ZC2HC1B: variants seen among roughly 807,000 people sequenced by gnomAD.
ZC2HC1B encodes zinc finger C2HC-type containing 1B.
A neutral mutation model predicts 31.0 loss-of-function variants in ZC2HC1B; 36 were observed. That is an observed-to-expected ratio of 1.16 (90% CI 0.89 to 1.54). ZC2HC1B has a LOEUF of 1.54. Among genes scored for constraint, ZC2HC1B ranks in the 40% most tolerant of loss-of-function variants. The pLI is 0.00. For synonymous variants in ZC2HC1B, 73 were observed against 88.0 expected, an observed-to-expected ratio of 0.83 and a Z score of 0.95; for missense variants, 260 against 268.6, an observed-to-expected ratio of 0.97 and a Z score of 0.22.
At chr6:143,904,702 C>T (rs1777774499) in intron 6 of ZC2HC1B, among the ~76,000 whole-genome samples, 3 of 152,102 alleles carry the variant, frequency 2.0e-5, no homozygotes. Flanking sequence ...GAGAGGTTTA[C>T]TCCTATGTTT....
At chr6:143,901,282 CAG>C (rs1294139838) in intron 5 of ZC2HC1B, among the ~76,000 whole-genome samples, 2 of 67,582 alleles carry the variant, frequency 3.0e-5, no homozygotes, top group African/African-American at 1.4e-4. Context: ...TTTTTTGAGA[CAG>C]AGTCTCACTC....
rs1487883696 is a variant in ZC2HC1B at position 143,868,041 on chromosome 6, AG to A, written c.28+3475del. On this transcript the variant is annotated intron_variant, in intron 1 of 7. Transcript: ENST00000237275. This position sits in a 1 kb window ranked among gnomAD's most constrained non-coding sequence, Gnocchi z 4.2. ...GACTGAATATAGAATTCTTGGTTGT[AG>A]ATTATTTTACCTCAGAAGTTTAAAG... Among the ~76,000 whole-genome samples the A allele has an allele frequency of 3.3e-5, 5 of 152,176 alleles. No homozygotes were observed. The highest frequency in any genetic ancestry group is 5.9e-5 in the Non-Finnish European group (4 of 68,030).
Position 143,917,390 on chromosome 6 carries a change from A to G in ZC2HC1B, c.598+14238A>G, listed in dbSNP as rs904581184. On this transcript the variant is annotated intron_variant, in intron 6 of 7. Transcript: ENST00000237275. The surrounding 1 kb of genome is among the most constrained non-coding windows in gnomAD (Gnocchi z 4.1). ...GTTTTTAGTTGATTTTTGAAGCAAAACATTTATATTCCTTCCTCATTTCCT... is the reference window on the plus strand; with the variant it reads ...GTTTTTAGTTGATTTTTGAAGCAAAGCATTTATATTCCTTCCTCATTTCCT... 1.8e-4 allele frequency among the ~76,000 whole-genome samples: 28 copies of G among 152,212 alleles called. No homozygotes were observed. The highest frequency in any genetic ancestry group is 3.3e-4 in the Admixed American group (5 of 15,282).
At chr6:143,900,045 T>C (rs1448832637) in intron 5 of ZC2HC1B, among the ~76,000 whole-genome samples, 2 of 152,188 alleles carry the variant, frequency 1.3e-5, no homozygotes, top group Non-Finnish European at 2.9e-5. Context: ...AACATCCAGC[T>C]TGTGGCCTGA....
chr6:143,900,514 T>C (rs1777724858), intron 5 of ZC2HC1B, among the ~76,000 whole-genome samples: 1 of 151,412 alleles, frequency 6.6e-6, no homozygotes, highest in Non-Finnish European at 1.5e-5. Flanking sequence ...AAAAGAGGAA[T>C]TGATTGAATA....
intron 1 of ZC2HC1B, among the ~76,000 whole-genome samples, chr6:143,875,863 C>T (rs1261124150): frequency 6.6e-6 from 1 of 150,574 alleles, no homozygotes; most frequent in East Asian, 1.9e-4. Flanking sequence ...AGGCTGACAG[C>T]AGCACGGGTC....
At chr6:143,925,191 T>C (rs1778020639) in intron 6 of ZC2HC1B, among the ~76,000 whole-genome samples, 1 of 130,810 alleles carries the variant, frequency 7.6e-6, no homozygotes, top group Admixed American at 7.9e-5. Context: ...TTTTTTTTTT[T>C]TTGAGACAGA....
rs549139573 is a variant in ZC2HC1B at position 143,913,018 on chromosome 6, C to T, written c.598+9866C>T. Among the ~76,000 whole-genome samples the T allele has an allele frequency of 1.3e-5, 2 of 152,278 alleles. No homozygotes were observed. Among genetic ancestry groups the T allele is most frequent in the East Asian group, 3.9e-4 (2 of 5,182 alleles). On this transcript the variant is annotated intron_variant, in intron 6 of 7. Coordinates refer to ENST00000237275, the MANE Select transcript of ZC2HC1B (RefSeq NM_001013623.3). The surrounding 1 kb of genome is among the most constrained non-coding windows in gnomAD (Gnocchi z 5.7). Reference sequence around the variant, plus strand: ...TGCTTAAAGAAGCAGTCTGGCCATACCTCAACAAAACAGCTGTGCTGTGGT... The same window carrying T: ...TGCTTAAAGAAGCAGTCTGGCCATATCTCAACAAAACAGCTGTGCTGTGGT...
At chr6:143,878,472 T>TGTCTCAAA (rs1213873009) in intron 1 of ZC2HC1B, among the ~76,000 whole-genome samples, 4 of 150,432 alleles carry the variant, frequency 2.7e-5, no homozygotes, top group Non-Finnish European at 5.9e-5. Context: ...AGCAAGACCT[T>TGTCTCAAA]GTCTCAAAGG....
At chr6:143,896,288 C>T (rs1305233615) in intron 4 of ZC2HC1B, among the ~76,000 whole-genome samples, 2 of 152,184 alleles carry the variant, frequency 1.3e-5, no homozygotes, top group African/African-American at 4.8e-5. Flanking sequence ...AGAAGGGTGG[C>T]AGTGAGTGAA....
At chr6:143,906,443 T>A (rs1468277854) in intron 6 of ZC2HC1B, among the ~76,000 whole-genome samples, 1 of 149,546 alleles carries the variant, frequency 6.7e-6, no homozygotes, top group Non-Finnish European at 1.5e-5. Flanking sequence ...TTAATTTTAA[T>A]TTTTTTTTGT....
chr6:143,902,258 T>C (rs1279783897), intron 5 of ZC2HC1B, among the ~76,000 whole-genome samples: 5 of 152,340 alleles, frequency 3.3e-5, no homozygotes, highest in South Asian at 2.1e-4. Flanking sequence ...GTTGTTTCAG[T>C]TTTGAAGGGC....
intron 4 of ZC2HC1B, among the ~76,000 whole-genome samples, chr6:143,892,417 T>C: frequency 6.6e-6 from 1 of 151,290 alleles, no homozygotes. Context: ...CACCTCAGCC[T>C]CCTGAGTAGC....
Position 143,929,516 on chromosome 6 carries a change from T to G in ZC2HC1B, c.599-8133T>G, listed in dbSNP as rs148846489. ...TTAAGGAATTTTGCACCTATGTTCA[T>G]GAAAGGTATTAGTCTGTAATTTTCT... On this transcript the variant is annotated intron_variant, in intron 6 of 7. Coordinates refer to ENST00000237275, the MANE Select transcript of ZC2HC1B (RefSeq NM_001013623.3). Among the ~76,000 whole-genome samples the G allele has an allele frequency of 2.2e-4, 34 of 152,346 alleles. No homozygotes were observed. In the South Asian group the frequency reaches 4.4e-3, roughly 20 times the overall value.
Position 143,903,024 on chromosome 6 carries a change from CTT to C in ZC2HC1B, c.490-18_490-17del. 2 of 1,550,906 alleles carry C rather than the reference CTT, an allele frequency of 1.3e-6. No homozygotes were observed. The highest frequency in any genetic ancestry group is 1.2e-5 in the South Asian group (1 of 84,030). ...CATACAGAAGGTGTTCTCTTTGTCT[CTT>C]TCTTTCTCTCTCTGTAGGGTAGGGC... is the stretch of plus-strand genomic sequence containing the variant. On this transcript the variant is annotated intron_variant, in intron 5 of 7. Coordinates refer to ENST00000237275, the MANE Select transcript of ZC2HC1B (RefSeq NM_001013623.3). This position sits in a 1 kb window ranked among gnomAD's most constrained non-coding sequence, Gnocchi z 4.3.
At chr6:143,900,619 G>C (rs529796076) in intron 5 of ZC2HC1B, among the ~76,000 whole-genome samples, 2 of 152,052 alleles carry the variant, frequency 1.3e-5, no homozygotes, top group East Asian at 3.9e-4. Context: ...GGAATAGGAC[G>C]ATTAATAGAG....
At chr6:143,937,277 A>C (rs1778189894) in intron 6 of ZC2HC1B, among the ~76,000 whole-genome samples, 3 of 152,188 alleles carry the variant, frequency 2.0e-5, no homozygotes, top group Admixed American at 2.0e-4. Flanking sequence ...TTCTCATGTG[A>C]GAGCTAGCAA....
chr6:143,906,372 T>C (rs1392129213), intron 6 of ZC2HC1B, among the ~76,000 whole-genome samples: 1 of 152,118 alleles, frequency 6.6e-6, no homozygotes, highest in African/African-American at 2.4e-5. Flanking sequence ...ATAGCATTGG[T>C]AGTCATATCT....
At chr6:143,892,853 G>A (rs1777617346) in intron 4 of ZC2HC1B, among the ~76,000 whole-genome samples, 1 of 151,774 alleles carries the variant, frequency 6.6e-6, no homozygotes. Context: ...TACAACTAAA[G>A]GCCAACAAAG....
Sources: allele counts gnomAD v4.1 joint callset (sites outside exome capture counted in the v4.1 genomes callset), GRCh38; gene constraint gnomAD v4.1.1; non-coding constraint Gnocchi (gnomAD v3.1); transcripts MANE v1.5; gene names NCBI Gene and HGNC (gene_info 2026-07-23, HGNC 2026-07-21).